Variants in LIMS1 observed in about 807,000 individuals in gnomAD.
LIMS1 encodes the protein LIM zinc finger domain containing 1.
In LIMS1, 18 loss-of-function variants were observed where a neutral mutation model predicts 44.1. The observed-to-expected ratio is 0.41, with a 90% CI of 0.28 to 0.61. The LOEUF is 0.61. Among genes scored for constraint, LIMS1 ranks in the 20% least tolerant of loss-of-function variants. LIMS1 has a pLI of 0.32. For synonymous variants in LIMS1, 93 were observed against 149.1 expected (o/e 0.62, Z 2.74); for missense variants, 201 against 422.0 (o/e 0.48, Z 4.59).
intron 1 of LIMS1, among the ~76,000 whole-genome samples, chr2:108,594,280 CA>C (rs1686551526): frequency 6.6e-6 from 1 of 152,198 alleles, no homozygotes; most frequent in Middle Eastern, 3.4e-3. Flanking sequence ...GAAAAAGGAA[CA>C]AAGAGGGTTG....
chr2:108,660,187 G>A (rs538310839), intron 2 of LIMS1: 13 of 479,926 alleles, frequency 2.7e-5, no homozygotes, highest in African/African-American at 2.0e-4. Flanking sequence ...GAGAGCGTGT[G>A]GTGTACGTCA....
chr2:108,577,729 G>A (rs895155500), intron 1 of LIMS1, among the ~76,000 whole-genome samples: 1 of 152,120 alleles, frequency 6.6e-6, no homozygotes, highest in Admixed American at 6.6e-5. Flanking sequence ...GAGAAAAAAG[G>A]TGCTTCAGAT....
At chr2:108,574,712 A>T (rs1685607308) in intron 1 of LIMS1, among the ~76,000 whole-genome samples, 1 of 152,214 alleles carries the variant, frequency 6.6e-6, no homozygotes, top group Non-Finnish European at 1.5e-5. Flanking sequence ...GATGTTAAAT[A>T]ATTTGTCCAA....
At chr2:108,615,921 G>A (rs534264251) in intron 1 of LIMS1, among the ~76,000 whole-genome samples, 5 of 152,260 alleles carry the variant, frequency 3.3e-5, no homozygotes, top group African/African-American at 1.2e-4. Context: ...GTTTCCAAAC[G>A]TGGAACTGTC....
intron 1 of LIMS1, among the ~76,000 whole-genome samples, chr2:108,576,900 A>G (rs1685690267): frequency 6.6e-6 from 1 of 151,996 alleles, no homozygotes; most frequent in Non-Finnish European, 1.5e-5. Flanking sequence ...GACAGGGAGA[A>G]CTCCCTGAGG....
intron 1 of LIMS1, chr2:108,621,550 G>A: frequency 1.1e-6 from 1 of 918,212 alleles, no homozygotes; most frequent in South Asian, 1.4e-5. Context: ...TGCAGCGTTG[G>A]GAAGTACTCA....
At chr2:108,562,677 A>T (rs1685162923) in intron 1 of LIMS1, among the ~76,000 whole-genome samples, 1 of 152,240 alleles carries the variant, frequency 6.6e-6, no homozygotes, top group African/African-American at 2.4e-5. Flanking sequence ...TCTCCGAAAC[A>T]TAAAAGTGCA....
chr2:108,598,563 C>A (rs1164318438), intron 1 of LIMS1, among the ~76,000 whole-genome samples: 1 of 152,178 alleles, frequency 6.6e-6, no homozygotes, highest in Non-Finnish European at 1.5e-5. Context: ...TGGATACTAG[C>A]CATCTGGGGG....
chr2:108,677,442 C>T (rs891235912), intron 7 of LIMS1: 1 of 156,636 alleles, frequency 6.4e-6, no homozygotes, highest in African/African-American at 2.4e-5. Flanking sequence ...ATCTCCCAGG[C>T]ATGGTGCTGG....
At chr2:108,616,606 A>G (rs1450433791) in intron 1 of LIMS1, among the ~76,000 whole-genome samples, 1 of 152,154 alleles carries the variant, frequency 6.6e-6, no homozygotes, top group Admixed American at 6.5e-5. Flanking sequence ...GCTTGTAGAC[A>G]GTTGCAATAT....
chr2:108,667,383 C>T (rs1242563104), intron 2 of LIMS1, among the ~76,000 whole-genome samples: 1 of 152,044 alleles, frequency 6.6e-6, no homozygotes, highest in African/African-American at 2.4e-5. Flanking sequence ...CCCAAGGCCA[C>T]ACAATGAGTC....
intron 1 of LIMS1, among the ~76,000 whole-genome samples, chr2:108,579,917 G>T (rs1056610880): frequency 2.0e-5 from 3 of 152,220 alleles, no homozygotes; most frequent in Non-Finnish European, 4.4e-5. Context: ...GAGGCACCAG[G>T]CCAGGAGGGC....
At chr2:108,592,583 G>A (rs992415373) in intron 1 of LIMS1, among the ~76,000 whole-genome samples, 1 of 152,090 alleles carries the variant, frequency 6.6e-6, no homozygotes, top group Non-Finnish European at 1.5e-5. Flanking sequence ...AAGTTCTTCG[G>A]GTTCAGCTGT....
intron 1 of LIMS1, among the ~76,000 whole-genome samples, chr2:108,587,028 C>T (rs1032046187): frequency 4.6e-5 from 7 of 152,100 alleles, no homozygotes; most frequent in East Asian, 1.9e-4. Context: ...TAGCTGGGAC[C>T]GTTGGATTTC....
chr2:108,679,541 G>A (rs1309269958), intron 8 of LIMS1, among the ~76,000 whole-genome samples: 3 of 152,106 alleles, frequency 2.0e-5, no homozygotes, highest in African/African-American at 4.8e-5. Context: ...TTTTATATCA[G>A]GGACTTGAGC....
chr2:108,538,790 T>G (rs1684222297), intron 1 of LIMS1, among the ~76,000 whole-genome samples: 1 of 152,224 alleles, frequency 6.6e-6, no homozygotes, highest in African/African-American at 2.4e-5. Flanking sequence ...GACGTTGCTG[T>G]GCAACCATCA....
At position 108,544,882 on chromosome 2, in the gene LIMS1, ATTT is replaced by A. The variant is rs1163713516; in HGVS notation, c.32+10290_32+10292del. 2.6e-5 allele frequency among the ~76,000 whole-genome samples: 4 copies of A among 152,322 alleles called. No individual in the cohort carries two copies. The East Asian group carries it at 7.7e-4, about 29-fold the overall frequency. ...CTCTCCCCTGTGTCATATCATAGAG[ATTT>A]TAATATGTATCCTTAAAAGATAAGG... On this transcript the variant is annotated intron_variant, in intron 1 of 9. Coordinates refer to ENST00000544547, the Ensembl canonical transcript of LIMS1.
intron 1 of LIMS1, among the ~76,000 whole-genome samples, chr2:108,578,587 ATTTTTTT>A (rs575139291): frequency 1.5e-4 from 15 of 100,792 alleles, no homozygotes; most frequent in South Asian, 3.5e-4. Context: ...AATGTAAATA[ATTTTTTT>A]TTTTTTTTTT....
upstream of LIMS1, chr2:108,534,212 G>C (rs1482880096): frequency 6.4e-6 from 1 of 156,332 alleles, no homozygotes; most frequent in East Asian, 1.9e-4. Context: ...AGCCTGGGGT[G>C]CTGAAATGGG....
Sources: allele counts gnomAD v4.1 joint callset (sites outside exome capture counted in the v4.1 genomes callset), GRCh38; gene constraint gnomAD v4.1.1; transcripts MANE v1.5; gene names NCBI Gene and HGNC (gene_info 2026-07-23, HGNC 2026-07-21).